Variants in CCDC191 observed in about 807,000 individuals in gnomAD.
The protein encoded by CCDC191 is coiled-coil domain-containing protein 191.
A neutral mutation model predicts 114.0 loss-of-function variants in CCDC191; 99 were observed. That is an observed-to-expected ratio of 0.87 (90% CI 0.74 to 1.03). The LOEUF (loss-of-function observed/expected upper bound fraction) is 1.03. CCDC191 is among the 50% of genes least tolerant of loss of function. The pLI is 0.00. For missense variants in CCDC191, 973 were observed against 1,087.0 expected (o/e 0.90, Z 1.47); for synonymous variants, 351 against 376.0 (o/e 0.93, Z 0.77).
chr3:114,055,493 G>A (rs1211841293), intron 1 of CCDC191, among the ~76,000 whole-genome samples: 1 of 152,182 alleles, frequency 6.6e-6, no homozygotes, highest in Non-Finnish European at 1.5e-5. Flanking sequence ...CATTTAGCTG[G>A]TAAATTTAGA....
At chr3:114,046,952 A>T (rs939198484) in intron 2 of CCDC191, 2 of 956,818 alleles carry the variant, frequency 2.1e-6, no homozygotes, top group Non-Finnish European at 2.5e-6. Context: ...CCAAGTTCTA[A>T]CAGATGTTCA....
intron 7 of CCDC191, among the ~76,000 whole-genome samples, chr3:114,027,848 G>C (rs573251688): frequency 2.0e-5 from 3 of 152,096 alleles, no homozygotes; most frequent in Non-Finnish European, 4.4e-5. Flanking sequence ...TTCATCCTGT[G>C]GTCATACCTA....
chr3:113,995,033 G>A lies in CCDC191; in HGVS notation c.2163+6562C>T, dbSNP rs997409323. Among the ~76,000 whole-genome samples the A allele has an allele frequency of 3.9e-5, 6 of 152,280 alleles. No individual in the cohort carries two copies. The East Asian group carries it at 1.2e-3, about 29-fold the overall frequency. On this transcript the variant is annotated intron_variant, in intron 13 of 16. Transcript: ENST00000295878. ...TGGAATACTATTTGATGATAAAAAG[G>A]ACCGAGCTTTTGACTCCTGCAGCAA... is the stretch of plus-strand genomic sequence containing the variant.
intron 11 of CCDC191, 48 bp from the exon 12 acceptor site, chr3:114,002,586 T>C: frequency 6.9e-7 from 1 of 1,442,792 alleles, no homozygotes; most frequent in Non-Finnish European, 9.5e-7. Flanking sequence ...TGAAAAAATA[T>C]GAGGAATACT....
chr3:114,004,441 C>T, intron 11 of CCDC191, 196 bp downstream of exon 11: 1 of 1,138,602 alleles, frequency 8.8e-7, no homozygotes. Flanking sequence ...AAAAGGTTGG[C>T]AAAAGGGGCA....
chr3:113,980,613 A>G (rs2075113837), intron 14 of CCDC191, 37 bp downstream of exon 14: 2 of 1,522,568 alleles, frequency 1.3e-6, no homozygotes, highest in East Asian at 2.5e-5. Context: ...GGAAAAGTCC[A>G]TTTTCTAATC....
At position 114,035,225 on chromosome 3, in the gene CCDC191, G is replaced by C; in HGVS notation, c.595-77C>G. On this transcript the variant is annotated intron_variant, in intron 5 of 16. Transcript: ENST00000295878. ...TATGAAAAGCCTTACAATACATTTT[G>C]AAGTTCAGAATACAACCAGTTTGAA... 7 of 1,060,350 alleles carry C rather than the reference G, an allele frequency of 6.6e-6. No homozygotes were observed. In the South Asian group the frequency reaches 7.2e-5, roughly 11 times the overall value. The allele number at this position is 1,060,350 out of a possible 1,614,324, so 65.7% of individuals were successfully genotyped here.
chr3:114,018,531 G>T, intron 8 of CCDC191, 147 bp downstream of exon 8: 1 of 657,004 alleles, frequency 1.5e-6, no homozygotes. Context: ...TCTAGTTTGA[G>T]ATGTAACATA....
intron 9 of CCDC191, among the ~76,000 whole-genome samples, chr3:114,006,591 TA>T (rs1559903071): frequency 2.2e-4 from 29 of 129,704 alleles, no homozygotes; most frequent in Non-Finnish European, 3.7e-4. Flanking sequence ...ACTCCAGATA[TA>T]TATATATATA....
At chr3:114,004,874 A>G in intron 10 of CCDC191, 128 bp from the exon 11 acceptor site, 3 of 946,488 alleles carry the variant, frequency 3.2e-6, no homozygotes, top group Non-Finnish European at 3.0e-6. Flanking sequence ...ACTACATATT[A>G]TATCCACTCC....
chr3:113,982,680 T>C (rs1218395093), intron 13 of CCDC191, among the ~76,000 whole-genome samples: 1 of 152,090 alleles, frequency 6.6e-6, no homozygotes, highest in African/African-American at 2.4e-5. Context: ...CCCAAAACTC[T>C]TGGCCTTCTG....
intron 11 of CCDC191, chr3:114,004,425 A>G (rs1051369245): frequency 1.2e-5 from 13 of 1,120,094 alleles, no homozygotes; most frequent in Non-Finnish European, 1.4e-5. Context: ...TTGGCTGGGA[A>G]TGCCAAAAAG....
In CCDC191 at chr3:114,032,095, A is replaced by G. The variant is rs185088812; in HGVS notation, c.819-316T>C. Among the ~76,000 whole-genome samples the G allele has an allele frequency of 5.1e-4, 78 of 152,330 alleles. 1 individual carries two copies. The highest frequency in any genetic ancestry group is 1.8e-3 in the African/African-American group (75 of 41,578). On this transcript the variant is annotated intron_variant, in intron 6 of 16. Coordinates refer to ENST00000295878, the MANE Select transcript of CCDC191 (RefSeq NM_020817.2). ...ATTTGAGAGTTAACAACTACAAGATAGTCTCTAATATAGACATAAATTATC... is the reference window on the plus strand; with the variant it reads ...ATTTGAGAGTTAACAACTACAAGATGGTCTCTAATATAGACATAAATTATC...
intron 13 of CCDC191, among the ~76,000 whole-genome samples, chr3:113,996,087 T>C (rs2075714099): frequency 6.6e-6 from 1 of 152,168 alleles, no homozygotes; most frequent in South Asian, 2.1e-4. Context: ...TATTCACTTT[T>C]ATGATAGTTT....
chr3:113,975,062 T>G (rs1559871657), intron 16 of CCDC191, among the ~76,000 whole-genome samples: 2 of 152,196 alleles, frequency 1.3e-5, no homozygotes, highest in African/African-American at 4.8e-5. Flanking sequence ...ACATGTTGTG[T>G]AAAGTTGTAT....
In CCDC191 at chr3:114,053,581, T is replaced by C; in HGVS notation, c.129+16A>G. The C allele has an allele frequency of 6.6e-7, 1 of 1,519,168 alleles. No homozygotes were observed. The highest frequency in any genetic ancestry group is 9.1e-7 in the Non-Finnish European group (1 of 1,104,138). The allele number at this position is 1,519,168 out of a possible 1,614,324, so 94.1% of individuals were successfully genotyped here. A position where few individuals can be genotyped will look rare whatever the true frequency, so the allele number is the denominator to read the frequency against. ...CTCTTAATACTCTTTTTATTCTAAATTTGAAATATCCTTACCTTTATCCAG... is the reference window on the plus strand; with the variant it reads ...CTCTTAATACTCTTTTTATTCTAAACTTGAAATATCCTTACCTTTATCCAG... On this transcript the variant is annotated intron_variant, in intron 2 of 16. Coordinates refer to ENST00000295878, the MANE Select transcript of CCDC191 (RefSeq NM_020817.2).
intron 13 of CCDC191, among the ~76,000 whole-genome samples, chr3:113,998,938 T>C (rs985040600): frequency 1.1e-4 from 17 of 152,170 alleles, no homozygotes; most frequent in South Asian, 2.1e-4. Flanking sequence ...GCTCACGGAA[T>C]TCACTGGCCT....
intron 14 of CCDC191, 76 bp downstream of exon 14, chr3:113,980,574 C>T: frequency 7.3e-7 from 1 of 1,370,196 alleles, no homozygotes; most frequent in Non-Finnish European, 9.8e-7. Context: ...CTACCCTCCC[C>T]CAAGCTTAAC....
chr3:114,017,634 A>G (rs1171746165), intron 8 of CCDC191, among the ~76,000 whole-genome samples: 1 of 152,160 alleles, frequency 6.6e-6, no homozygotes, highest in African/African-American at 2.4e-5. Context: ...TAGAGAAGTG[A>G]TTACTTATAA....
Sources: gnomAD v4.1 joint callset for allele counts (sites outside exome capture counted in the v4.1 genomes callset) on GRCh38, gnomAD v4.1.1 for gene constraint, MANE v1.5 for transcripts, NCBI Gene and HGNC (gene_info 2026-07-23, HGNC 2026-07-21) for gene names.